Variants in ZMYM4 observed in about 807,000 individuals in gnomAD.
The protein encoded by ZMYM4 is zinc finger MYM-type protein 4.
In ZMYM4, 31 loss-of-function variants were observed where a neutral mutation model predicts 183.2. That is an observed-to-expected ratio of 0.17 (90% CI 0.13 to 0.23). The LOEUF is 0.23. ZMYM4 is among the 10% of genes least tolerant of loss of function. The pLI, the probability that ZMYM4 is intolerant of heterozygous loss-of-function variation, is 1.00. For synonymous variants in ZMYM4, 592 were observed against 631.2 expected (o/e 0.94, Z 0.93); for missense variants, 1,273 against 1,840.3 (o/e 0.69, Z 5.64).
At chr1:35,273,519 A>G (rs1639719993) in intron 1 of ZMYM4, among the ~76,000 whole-genome samples, 1 of 152,236 alleles carries the variant, frequency 6.6e-6, no homozygotes, top group Non-Finnish European at 1.5e-5. Context: ...ATACAAAATA[A>G]TAACTTTTGT....
Position 35,389,899 on chromosome 1 carries a change from G to C in ZMYM4, c.2437-49G>C. ...TGTGTGTCTTATTTTTATTTTGTCA[G>C]ACCACAGATAATTTGTTTCTTACTC... is the stretch of plus-strand genomic sequence containing the variant. On this transcript the variant is annotated intron_variant, in intron 14 of 29. Transcript: ENST00000314607. The surrounding 1 kb of genome is among the most constrained non-coding windows in gnomAD (Gnocchi z 4.0). 6.4e-7 allele frequency: 1 copy of C among 1,562,442 alleles called. No individual in the cohort carries two copies. Among genetic ancestry groups the C allele is most frequent in the Non-Finnish European group, 8.7e-7 (1 of 1,150,540 alleles).
intron 29 of ZMYM4, 107 bp downstream of exon 29, chr1:35,418,679 A>G: frequency 7.1e-7 from 1 of 1,405,966 alleles, no homozygotes; most frequent in Non-Finnish European, 9.7e-7. Flanking sequence ...GCTTTAGACA[A>G]GGATTTACCA....
At chr1:35,399,376 C>T in intron 22 of ZMYM4, 106 bp from the exon 23 acceptor site, 1 of 1,038,216 alleles carries the variant, frequency 9.6e-7, no homozygotes. Flanking sequence ...CACAAACAAA[C>T]TAATGAATAT....
chr1:35,396,444 T>C lies in ZMYM4; in HGVS notation c.2912-108T>C, dbSNP rs1203736850. ...TAAGAAGTCCTGTAGTGTCATAGGTTACTCTTATTTTGAACTATAAACCTC... is the reference window on the plus strand; with the variant it reads ...TAAGAAGTCCTGTAGTGTCATAGGTCACTCTTATTTTGAACTATAAACCTC... On this transcript the variant is annotated intron_variant, in intron 18 of 29. Transcript: ENST00000314607. 6.2e-6 allele frequency: 9 copies of C among 1,462,922 alleles called. No homozygotes were observed. In the African/African-American group the frequency reaches 8.5e-5, roughly 14 times the overall value. The allele number at this position is 1,462,922 out of a possible 1,614,324, so 90.6% of individuals were successfully genotyped here.
intron 1 of ZMYM4, among the ~76,000 whole-genome samples, chr1:35,297,430 G>T (rs2148734934): frequency 6.6e-6 from 1 of 151,342 alleles, no homozygotes; most frequent in South Asian, 2.1e-4. Flanking sequence ...AGCTGAGGTT[G>T]CAGTGAGCCG....
chr1:35,305,481 A>G (rs1234136362), intron 1 of ZMYM4, among the ~76,000 whole-genome samples: 4 of 151,758 alleles, frequency 2.6e-5, no homozygotes, highest in Non-Finnish European at 5.9e-5. Context: ...TCAGCCTCCC[A>G]AAGTGTTGGG....
chr1:35,418,415 T>C (rs2149051205), intron 28 of ZMYM4, 28 bp from the exon 29 acceptor site: 3 of 1,609,982 alleles, frequency 1.9e-6, no homozygotes. Context: ...TCTAATATAA[T>C]CCTTTGATTA....
chr1:35,389,643 T>C lies in ZMYM4; in HGVS notation c.2437-305T>C, dbSNP rs1437178579. 6.6e-6 allele frequency among the ~76,000 whole-genome samples: 1 copy of C among 151,682 alleles called. No individual in the cohort carries two copies. The highest frequency in any genetic ancestry group is 1.5e-5 in the Non-Finnish European group (1 of 67,938). The stretch of plus-strand genomic sequence containing the variant: ...GGTGGCGGGCGCCTGTAGTCCCAGC[T>C]ACCTGGGAGGCTGAGGCAGGAGAAT... On this transcript the variant is annotated intron_variant, in intron 14 of 29. Coordinates refer to ENST00000314607, the MANE Select transcript of ZMYM4 (RefSeq NM_005095.3). The surrounding 1 kb of genome is among the most constrained non-coding windows in gnomAD (Gnocchi z 4.0).
intron 5 of ZMYM4, among the ~76,000 whole-genome samples, chr1:35,369,787 ATACT>A (rs1039612251): frequency 6.6e-5 from 10 of 152,102 alleles, no homozygotes; most frequent in Admixed American, 2.0e-4. Flanking sequence ...AAAATAATAA[ATACT>A]TAGTGTCACA....
intron 1 of ZMYM4, among the ~76,000 whole-genome samples, chr1:35,312,627 CTTTT>C (rs915767908): frequency 4.6e-5 from 7 of 152,022 alleles, no homozygotes; most frequent in African/African-American, 1.7e-4. Context: ...CAGCAAATGT[CTTTT>C]TTTCTTTCTT....
At chr1:35,371,486 G>A (rs928380935) in intron 7 of ZMYM4, among the ~76,000 whole-genome samples, 2 of 152,076 alleles carry the variant, frequency 1.3e-5, no homozygotes, top group Non-Finnish European at 2.9e-5. Flanking sequence ...AACAAAAAAG[G>A]GGTATGATCT....
intron 2 of ZMYM4, among the ~76,000 whole-genome samples, chr1:35,347,581 C>G (rs1643446043): frequency 6.6e-6 from 1 of 151,600 alleles, no homozygotes; most frequent in Non-Finnish European, 1.5e-5. Context: ...TGAACAGATT[C>G]TTGTTTATCT....
At chr1:35,279,432 A>G (rs1355163434) in intron 1 of ZMYM4, among the ~76,000 whole-genome samples, 1 of 152,124 alleles carries the variant, frequency 6.6e-6, no homozygotes, top group Non-Finnish European at 1.5e-5. Flanking sequence ...TGTTGAGATG[A>G]TTGATGGGAT....
intron 23 of ZMYM4, among the ~76,000 whole-genome samples, chr1:35,401,907 T>A (rs1209350617): frequency 6.6e-6 from 1 of 152,178 alleles, no homozygotes; most frequent in African/African-American, 2.4e-5. Flanking sequence ...TAAAAGTCAA[T>A]CATATATGTA....
chr1:35,281,112 G>T (rs546611299), intron 1 of ZMYM4, among the ~76,000 whole-genome samples: 1 of 152,096 alleles, frequency 6.6e-6, no homozygotes, highest in South Asian at 2.1e-4. Flanking sequence ...GTGAAACCCT[G>T]TCTCTACTAA....
At chr1:35,392,046 GA>G (rs201154801) in intron 15 of ZMYM4, among the ~76,000 whole-genome samples, 165 bp from the exon 16 acceptor site, 3,932 of 137,088 alleles carry the variant, frequency 0.029, 214 homozygotes, top group East Asian at 0.26. Context: ...GTCTCAAAAA[GA>G]AAAAAAAAAA....
At chr1:35,393,885 G>A (rs892826657) in intron 18 of ZMYM4, 146 bp downstream of exon 18, 4 of 929,998 alleles carry the variant, frequency 4.3e-6, no homozygotes, top group East Asian at 3.0e-5. Flanking sequence ...GCATCCCCGT[G>A]AGTTAGGTAT....
chr1:35,352,244 T>A (rs1643634748), intron 2 of ZMYM4, among the ~76,000 whole-genome samples: 1 of 148,462 alleles, frequency 6.7e-6, no homozygotes, highest in Non-Finnish European at 1.5e-5. Context: ...ACTAATAATT[T>A]AAAAATTAGC....
rs776824925 is a variant in ZMYM4, at chr1:35,381,644, T to C, written c.1455T>C (p.Cys485=). Residue 485 remains cysteine, a synonymous_variant, in exon 9 of 30, where the codon TGT becomes TGC. Transcript: ENST00000314607. Reference sequence around the variant, plus strand: ...CTGCTAACAACCTCACCATGAACTGTTGTGAGAACTGTGGGGGTTACTGTT... The same window carrying C: ...CTGCTAACAACCTCACCATGAACTGCTGTGAGAACTGTGGGGGTTACTGTT... The part of the protein sequence containing the change: ...FRSANNLTMN[C]CENCGGYCYS... 6.2e-7 allele frequency: 1 copy of C among 1,614,216 alleles called. No homozygotes were observed. Among genetic ancestry groups the C allele is most frequent in the Admixed American group, 1.7e-5 (1 of 60,032 alleles).
Sources: gnomAD v4.1 joint callset for allele counts (sites outside exome capture counted in the v4.1 genomes callset) on GRCh38, gnomAD v4.1.1 for gene constraint, Gnocchi (gnomAD v3.1) non-coding constraint, MANE v1.5 for transcripts, NCBI Gene and HGNC (gene_info 2026-07-23, HGNC 2026-07-21) for gene names.